SEMA5A: variants seen among roughly 807,000 people sequenced by gnomAD.
The protein encoded by SEMA5A is semaphorin-5A.
A neutral mutation model predicts 135.5 loss-of-function variants in SEMA5A; 55 were observed. The observed-to-expected ratio is 0.41, with a 90% CI of 0.33 to 0.51. The LOEUF (loss-of-function observed/expected upper bound fraction) is 0.51. Ranked by LOEUF, SEMA5A falls within the 20% of genes least tolerant of loss-of-function variation. The pLI is 0.37. For missense variants in SEMA5A, 1,290 were observed against 1,419.9 expected (o/e 0.91, Z 1.47); for synonymous variants, 580 against 546.5 (o/e 1.06, Z -0.85).
intron 16 of SEMA5A, among the ~76,000 whole-genome samples, chr5:9,088,659 T>TAC (rs1554026678): frequency 1.2e-4 from 14 of 112,868 alleles, no homozygotes; most frequent in South Asian, 5.4e-4. Flanking sequence ...TATATATATA[T>TAC]ACACACACAC....
At chr5:9,528,609 C>T (rs1052571687) in intron 1 of SEMA5A, among the ~76,000 whole-genome samples, 3 of 152,142 alleles carry the variant, frequency 2.0e-5, no homozygotes, top group Admixed American at 1.3e-4. Flanking sequence ...CTTCCAGTAT[C>T]GAAGCCCATG....
chr5:9,475,561 T>A (rs1759639661), intron 1 of SEMA5A, among the ~76,000 whole-genome samples: 2 of 152,206 alleles, frequency 1.3e-5, no homozygotes, highest in African/African-American at 2.4e-5. Flanking sequence ...AGTTTTCAAA[T>A]GATTTTACAA....
chr5:9,294,991 A>C (rs1751261222), intron 5 of SEMA5A, among the ~76,000 whole-genome samples: 1 of 152,088 alleles, frequency 6.6e-6, no homozygotes, highest in Non-Finnish European at 1.5e-5. Context: ...CCTGTCTTCC[A>C]TCCCTATAAC....
intron 1 of SEMA5A, among the ~76,000 whole-genome samples, chr5:9,505,842 A>G (rs533955455): frequency 9.8e-5 from 15 of 152,346 alleles, no homozygotes; most frequent in South Asian, 8.3e-4. Context: ...TCTGGCTTAC[A>G]ATTTCTGTGA....
chr5:9,426,920 A>G (rs544410690), intron 2 of SEMA5A, among the ~76,000 whole-genome samples: 1 of 152,368 alleles, frequency 6.6e-6, no homozygotes, highest in Non-Finnish European at 1.5e-5. Context: ...ATGATGTCCC[A>G]GAAGACACTT....
At chr5:9,284,650 G>C (rs549556094) in intron 5 of SEMA5A, among the ~76,000 whole-genome samples, 1 of 152,030 alleles carries the variant, frequency 6.6e-6, no homozygotes, top group South Asian at 2.1e-4. Flanking sequence ...CTTTTGGGGG[G>C]TAAAATTTTG....
intron 5 of SEMA5A, among the ~76,000 whole-genome samples, chr5:9,296,777 G>A (rs1200178181): frequency 6.6e-6 from 1 of 151,684 alleles, no homozygotes; most frequent in Non-Finnish European, 1.5e-5. Flanking sequence ...GTCTTCTGTA[G>A]TATTTTACAA....
intron 3 of SEMA5A, among the ~76,000 whole-genome samples, chr5:9,364,038 G>C (rs193021756): frequency 2.3e-4 from 35 of 152,234 alleles, no homozygotes; most frequent in African/African-American, 7.5e-4. Flanking sequence ...CAGAAGGAAG[G>C]GGAAGTCTTA....
intron 11 of SEMA5A, among the ~76,000 whole-genome samples, chr5:9,173,365 T>C (rs957796385): frequency 6.6e-6 from 1 of 151,580 alleles, no homozygotes; most frequent in Non-Finnish European, 1.5e-5. Flanking sequence ...GGAGCATCTT[T>C]AGTCCATTCA....
At chr5:9,466,810 C>T (rs1200934510) in intron 1 of SEMA5A, among the ~76,000 whole-genome samples, 1 of 152,242 alleles carries the variant, frequency 6.6e-6, no homozygotes, top group Non-Finnish European at 1.5e-5. Flanking sequence ...TTGGGATCCA[C>T]TCCCAATGAG....
chr5:9,431,070 G>A (rs1757840913), intron 2 of SEMA5A, among the ~76,000 whole-genome samples: 1 of 152,114 alleles, frequency 6.6e-6, no homozygotes, highest in South Asian at 2.1e-4. Flanking sequence ...CCAAACTAGG[G>A]TTAAGAGTTT....
At chr5:9,434,667 C>T (rs1757970219) in intron 2 of SEMA5A, among the ~76,000 whole-genome samples, 1 of 151,996 alleles carries the variant, frequency 6.6e-6, no homozygotes, top group South Asian at 2.1e-4. Context: ...CTGCAATTTG[C>T]TTTCTCAGTT....
At position 9,037,843 on chromosome 5, in the gene SEMA5A, T is replaced by C. The variant is rs1438911585; in HGVS notation, c.*5054A>G. The C allele has an allele frequency of 6.6e-6, 1 of 152,182 alleles. No individual in the cohort carries two copies. The highest frequency in any genetic ancestry group is 1.5e-5 in the Non-Finnish European group (1 of 68,026). The allele number at this position is 152,182 out of a possible 1,614,324, so 9.4% of individuals were successfully genotyped here. The stretch of plus-strand genomic sequence containing the variant: ...AATCCATTATAATTAATGACCTCAA[T>C]AGGGCAGAATAGCAGAAATAAATTT... On this transcript the variant is annotated 3_prime_UTR_variant, in exon 23 of 23. Coordinates refer to ENST00000382496, the MANE Select transcript of SEMA5A (RefSeq NM_003966.3).
chr5:9,178,444 G>A lies in SEMA5A; in HGVS notation c.1273+11823C>T, dbSNP rs1025607322. 5.4e-5 allele frequency among the ~76,000 whole-genome samples: 8 copies of A among 149,142 alleles called. No individual in the cohort carries two copies. The East Asian group carries it at 1.4e-3, about 26-fold the overall frequency. On this transcript the variant is annotated intron_variant, in intron 11 of 22. Coordinates refer to ENST00000382496, the MANE Select transcript of SEMA5A (RefSeq NM_003966.3). ...TCTCCCGGGTTCAAGTGATTCTCCT[G>A]CCTCAGCTTCCTGAGTATCTCGGAT... is the stretch of plus-strand genomic sequence containing the variant.
chr5:9,348,822 G>A (rs2150744968), intron 3 of SEMA5A, among the ~76,000 whole-genome samples: 1 of 152,300 alleles, frequency 6.6e-6, no homozygotes, highest in African/African-American at 2.4e-5. Flanking sequence ...ACCAGATAAC[G>A]ACAGAGATTG....
At chr5:9,449,642 G>A (rs1311043705) in intron 1 of SEMA5A, among the ~76,000 whole-genome samples, 1 of 151,952 alleles carries the variant, frequency 6.6e-6, no homozygotes, top group Non-Finnish European at 1.5e-5. Flanking sequence ...CAGAATGTGT[G>A]TAAATATTAA....
intron 3 of SEMA5A, among the ~76,000 whole-genome samples, chr5:9,379,561 G>A (rs961451586): frequency 7.9e-5 from 12 of 152,162 alleles, no homozygotes; most frequent in African/African-American, 2.4e-5. Context: ...CACAGTACCT[G>A]TTAAATAAAG....
chr5:9,050,513 C>T, intron 20 of SEMA5A, 56 bp from the exon 21 acceptor site: 1 of 1,414,610 alleles, frequency 7.1e-7, no homozygotes. Context: ...AGACAGTCCA[C>T]ATTCATGCTT....
chr5:9,220,126 T>C (rs1452611345), intron 8 of SEMA5A, among the ~76,000 whole-genome samples: 1 of 152,216 alleles, frequency 6.6e-6, no homozygotes, highest in African/African-American at 2.4e-5. Context: ...ATATCGTGTG[T>C]TCTTACTTGT....
Sources: gnomAD v4.1 joint callset for allele counts (sites outside exome capture counted in the v4.1 genomes callset) on GRCh38, gnomAD v4.1.1 for gene constraint, MANE v1.5 for transcripts, NCBI Gene and HGNC (gene_info 2026-07-23, HGNC 2026-07-21) for gene names.